Variants in SAMD12 observed in about 807,000 individuals in gnomAD.
SAMD12 encodes the protein sterile alpha motif domain containing 12.
SAMD12 carries 9 observed loss-of-function variants against 15.0 expected under a neutral mutation model. The observed-to-expected ratio is 0.60, with a 90% CI of 0.36 to 1.05. SAMD12 has a LOEUF of 1.05. Among genes scored for constraint, SAMD12 ranks in the 50% least tolerant of loss-of-function variants. The probability of loss-of-function intolerance (pLI) is 0.01; values close to 1 mark genes in which losing one functional copy is unlikely to be tolerated. For missense variants in SAMD12, 230 were observed against 234.2 expected (o/e 0.98, Z 0.12); for synonymous variants, 86 against 90.1 (o/e 0.96, Z 0.25).
At chr8:118,528,101 A>G (rs922692156) in intron 2 of SAMD12, among the ~76,000 whole-genome samples, 1 of 152,150 alleles carries the variant, frequency 6.6e-6, no homozygotes, top group South Asian at 2.1e-4. Context: ...ATCTCAGCTC[A>G]CTGCAACCTC....
At chr8:118,178,102 ATTTTCTTATGT>A in the SAMD12 span, among the ~76,000 whole-genome samples, 6,162 of 152,348 alleles carry the variant, frequency 0.04, 135 homozygotes, top group Middle Eastern at 0.089. Flanking sequence ...TGAGTACAGT[ATTTTCTTATGT>A]TTTTCTTATT....
chr8:118,137,942 T>C, the SAMD12 span, among the ~76,000 whole-genome samples: 5 of 151,892 alleles, frequency 3.3e-5, no homozygotes, highest in African/African-American at 7.3e-5. Context: ...TTTTTTTACT[T>C]ATGAGCTAAC....
At chr8:118,469,381 C>T (rs1379055359) in intron 2 of SAMD12, among the ~76,000 whole-genome samples, 1 of 142,828 alleles carries the variant, frequency 7.0e-6, no homozygotes, top group Non-Finnish European at 1.5e-5. Context: ...GTTTCCTTTG[C>T]AGAGTTAGGC....
chr8:118,413,685 A>G (rs1189356723), intron 3 of SAMD12, among the ~76,000 whole-genome samples: 4 of 152,144 alleles, frequency 2.6e-5, no homozygotes, highest in Admixed American at 2.6e-4. Flanking sequence ...GTCTTGTGTC[A>G]TACTACTTCT....
intron 1 of SAMD12, among the ~76,000 whole-genome samples, chr8:118,598,797 C>G (rs931425422): frequency 6.6e-6 from 1 of 152,174 alleles, no homozygotes; most frequent in African/African-American, 2.4e-5. Flanking sequence ...CAATAGTAGT[C>G]TTGGCCACAC....
chr8:118,341,264 T>C (rs955718833), intron 4 of SAMD12, among the ~76,000 whole-genome samples: 6 of 152,052 alleles, frequency 3.9e-5, no homozygotes, highest in African/African-American at 1.4e-4. Context: ...TCCCAACAGA[T>C]AGAAAATGAG....
chr8:118,547,513 C>T (rs1307827637), intron 2 of SAMD12, among the ~76,000 whole-genome samples: 1 of 152,176 alleles, frequency 6.6e-6, no homozygotes, highest in Non-Finnish European at 1.5e-5. Flanking sequence ...ATCTCATTTA[C>T]CCAAAGATTC....
chr8:118,362,241 A>G (rs964493628), intron 4 of SAMD12, among the ~76,000 whole-genome samples: 2 of 152,218 alleles, frequency 1.3e-5, no homozygotes, highest in Non-Finnish European at 2.9e-5. Context: ...GCTTTAATAC[A>G]TGTCAAATCC....
chr8:118,602,172 C>T (rs1000952540), intron 1 of SAMD12, among the ~76,000 whole-genome samples: 1 of 152,204 alleles, frequency 6.6e-6, no homozygotes, highest in Admixed American at 6.5e-5. Flanking sequence ...AAGTTCCATA[C>T]ACAGGAAACC....
At chr8:118,258,271 T>C (rs899309864) in intron 4 of SAMD12, among the ~76,000 whole-genome samples, 1 of 152,152 alleles carries the variant, frequency 6.6e-6, no homozygotes, top group African/African-American at 2.4e-5. Context: ...GAGACTATTA[T>C]TGTTCTCTCT....
chr8:118,266,949 T>A (rs762801429), intron 4 of SAMD12, among the ~76,000 whole-genome samples: 23 of 152,206 alleles, frequency 1.5e-4, no homozygotes, highest in Non-Finnish European at 2.6e-4. Flanking sequence ...AACAATACAT[T>A]GCATCCTTGG....
chr8:118,514,167 T>C (rs1263306003), intron 2 of SAMD12, among the ~76,000 whole-genome samples: 2 of 150,546 alleles, frequency 1.3e-5, no homozygotes, highest in East Asian at 3.9e-4. Flanking sequence ...GCATTTAAAA[T>C]GATTTTTTAA....
intron 3 of SAMD12, among the ~76,000 whole-genome samples, chr8:118,390,993 A>G (rs905491010): frequency 1.3e-5 from 2 of 152,216 alleles, no homozygotes; most frequent in Non-Finnish European, 2.9e-5. Flanking sequence ...AATATATTAC[A>G]GTGCTTTTCA....
intron 2 of SAMD12, among the ~76,000 whole-genome samples, chr8:118,489,342 A>G (rs1463706886): frequency 2.6e-5 from 4 of 152,160 alleles, no homozygotes; most frequent in African/African-American, 9.7e-5. Flanking sequence ...TAATTTTAAT[A>G]CATCTACTTT....
At chr8:118,189,878 G>GTTTTACCACAT (rs1819311656) in exon 5 of SAMD12, 1 of 134,224 alleles carries the variant, frequency 7.5e-6, no homozygotes, top group Non-Finnish European at 1.5e-5. Flanking sequence ...AGGCACTCTT[G>GTTTTACCACAT]TTTTACCACA....
chr8:118,402,817 T>A (rs1302931752), intron 3 of SAMD12, among the ~76,000 whole-genome samples: 1 of 152,242 alleles, frequency 6.6e-6, no homozygotes, highest in Non-Finnish European at 1.5e-5. Flanking sequence ...ATCTTCAGAT[T>A]CTACTATATG....
the SAMD12 span, among the ~76,000 whole-genome samples, chr8:118,139,099 A>C: frequency 6.6e-6 from 1 of 152,142 alleles, no homozygotes; most frequent in Admixed American, 6.5e-5. Flanking sequence ...GGATATTAAC[A>C]ACATGTGGTA....
At chr8:118,548,378 C>CACACAT (rs1554583397) in intron 2 of SAMD12, among the ~76,000 whole-genome samples, 1 of 110,520 alleles carries the variant, frequency 9.0e-6, no homozygotes, top group South Asian at 3.0e-4. Flanking sequence ...ACACTAAAAA[C>CACACAT]ACACATACAC....
chr8:118,419,277 C>CT (rs11461750), intron 3 of SAMD12, among the ~76,000 whole-genome samples: 52,207 of 151,394 alleles, frequency 0.34, 9,323 homozygotes, highest in Non-Finnish European at 0.39. Context: ...GTCAATTTTT[C>CT]TTTTTTTTGT....
Sources: allele counts gnomAD v4.1 joint callset (sites outside exome capture counted in the v4.1 genomes callset), GRCh38; gene constraint gnomAD v4.1.1; transcripts MANE v1.5; gene names NCBI Gene and HGNC (gene_info 2026-07-23, HGNC 2026-07-21).